The following SGCZ variants were observed in gnomAD, a reference collection of about 807,000 sequenced individuals.
The protein encoded by SGCZ is zeta-sarcoglycan.
SGCZ carries 40 observed loss-of-function variants against 41.3 expected under a neutral mutation model. The observed-to-expected ratio is 0.97, with a 90% CI of 0.75 to 1.26. SGCZ has a LOEUF of 1.26. SGCZ is among the 50% of genes most tolerant of loss of function. The pLI, the probability that SGCZ is intolerant of heterozygous loss-of-function variation, is 0.00. For missense variants in SGCZ, 552 were observed against 369.8 expected (o/e 1.49, Z -4.04); for synonymous variants, 206 against 137.5 (o/e 1.50, Z -3.49).
At chr8:14,942,667 C>T (rs560493284) in intron 1 of SGCZ, among the ~76,000 whole-genome samples, 1 of 152,212 alleles carries the variant, frequency 6.6e-6, no homozygotes, top group African/African-American at 2.4e-5. Flanking sequence ...CCCAAATTTC[C>T]ATCACTGAAA....
intron 1 of SGCZ, among the ~76,000 whole-genome samples, chr8:15,075,490 G>C (rs1213476042): frequency 3.9e-5 from 6 of 152,090 alleles, no homozygotes; most frequent in Non-Finnish European, 8.8e-5. Context: ...AGAGCTAAAA[G>C]AAGCATTGTG....
At chr8:14,395,960 G>A (rs11997200) in intron 2 of SGCZ, among the ~76,000 whole-genome samples, 6,835 of 152,250 alleles carry the variant, frequency 0.045, 493 homozygotes, top group African/African-American at 0.15. Context: ...CAAACTAAGA[G>A]TTAAAGTGAA....
chr8:14,203,248 G>C (rs559055282), intron 4 of SGCZ, among the ~76,000 whole-genome samples: 3 of 152,274 alleles, frequency 2.0e-5, no homozygotes, highest in Admixed American at 2.0e-4. Flanking sequence ...AATCTATAAA[G>C]ACACATTAAA....
chr8:14,386,072 A>AT (rs1804564414), intron 2 of SGCZ, among the ~76,000 whole-genome samples: 2 of 151,990 alleles, frequency 1.3e-5, no homozygotes, highest in African/African-American at 2.4e-5. Flanking sequence ...TTTTCTAAAT[A>AT]TTTTTTCCAA....
chr8:14,435,003 TA>T (rs1262978762), intron 2 of SGCZ, among the ~76,000 whole-genome samples: 1 of 152,156 alleles, frequency 6.6e-6, no homozygotes, highest in Non-Finnish European at 1.5e-5. Context: ...GTTCATTATT[TA>T]AAAAAATAAT....
chr8:14,901,708 A>C (rs1798977951), intron 1 of SGCZ, among the ~76,000 whole-genome samples: 1 of 152,126 alleles, frequency 6.6e-6, no homozygotes, highest in Non-Finnish European at 1.5e-5. Context: ...ATTTTCGGTA[A>C]AAATGCCTAA....
At chr8:14,560,988 C>A (rs1359481000) in intron 1 of SGCZ, among the ~76,000 whole-genome samples, 1 of 152,010 alleles carries the variant, frequency 6.6e-6, no homozygotes, top group Admixed American at 6.6e-5. Flanking sequence ...TCACAAAATA[C>A]TTTAGAGCAT....
intron 1 of SGCZ, among the ~76,000 whole-genome samples, chr8:15,128,546 T>C (rs1469019513): frequency 6.6e-6 from 1 of 152,200 alleles, no homozygotes; most frequent in Non-Finnish European, 1.5e-5. Context: ...TCCTTGGTGC[T>C]CTGACACCAA....
chr8:14,475,949 C>T (rs1801346908), intron 2 of SGCZ, among the ~76,000 whole-genome samples: 1 of 151,748 alleles, frequency 6.6e-6, no homozygotes, highest in African/African-American at 2.4e-5. Flanking sequence ...TATCATCCCA[C>T]TACAGGTTTG....
intron 2 of SGCZ, among the ~76,000 whole-genome samples, chr8:14,486,799 G>C (rs1300965789): frequency 6.6e-6 from 1 of 152,198 alleles, no homozygotes; most frequent in Non-Finnish European, 1.5e-5. Flanking sequence ...GGGATTACAG[G>C]CATGAGCCAC....
intron 3 of SGCZ, among the ~76,000 whole-genome samples, chr8:14,302,506 CCAGAACA>C (rs969170464): frequency 6.6e-6 from 1 of 151,984 alleles, no homozygotes; most frequent in African/African-American, 2.4e-5. Context: ...CTTCCTCCTC[CCAGAACA>C]TCATTTCCAA....
chr8:14,369,503 A>G (rs2117156863), intron 2 of SGCZ, among the ~76,000 whole-genome samples: 1 of 152,090 alleles, frequency 6.6e-6, no homozygotes, highest in Non-Finnish European at 1.5e-5. Context: ...TAATGAGGTT[A>G]ACTTTTTCAT....
At chr8:14,507,455 T>C (rs1033079728) in intron 2 of SGCZ, among the ~76,000 whole-genome samples, 6 of 152,214 alleles carry the variant, frequency 3.9e-5, no homozygotes, top group Non-Finnish European at 7.4e-5. Context: ...ATATGTCACA[T>C]GCCTTCAAAA....
intron 1 of SGCZ, among the ~76,000 whole-genome samples, chr8:14,904,570 G>A (rs1799069443): frequency 6.6e-6 from 1 of 151,882 alleles, no homozygotes; most frequent in Non-Finnish European, 1.5e-5. Context: ...AAATCTCTCT[G>A]TAAAATGGTA....
At chr8:14,446,259 C>T (rs1315241828) in intron 2 of SGCZ, among the ~76,000 whole-genome samples, 3 of 152,202 alleles carry the variant, frequency 2.0e-5, no homozygotes, top group Admixed American at 6.5e-5. Context: ...CCTGCTGTGA[C>T]TCTAACACTG....
intron 6 of SGCZ, among the ~76,000 whole-genome samples, chr8:14,106,785 T>C (rs1484031685): frequency 6.6e-6 from 1 of 152,236 alleles, no homozygotes; most frequent in Non-Finnish European, 1.5e-5. Context: ...AAGTGACTTT[T>C]AGTATGTGAC....
At chr8:15,158,207 G>T (rs76129976) in intron 1 of SGCZ, among the ~76,000 whole-genome samples, 1,522 of 151,054 alleles carry the variant, frequency 0.01, 83 homozygotes, top group East Asian at 0.097. Context: ...CCATTCATCA[G>T]GGAATCCCTT....
chr8:14,549,083 A>G (rs1433023876), intron 2 of SGCZ, among the ~76,000 whole-genome samples: 2 of 152,054 alleles, frequency 1.3e-5, no homozygotes, highest in African/African-American at 4.8e-5. Context: ...GCTGCCTGTT[A>G]ATTACCAGCA....
intron 2 of SGCZ, among the ~76,000 whole-genome samples, chr8:14,380,025 C>G (rs1480575656): frequency 6.6e-6 from 1 of 152,136 alleles, no homozygotes. Context: ...AGCCATGGCA[C>G]CCGGCCAAGA....
Sources: allele counts gnomAD v4.1 joint callset (sites outside exome capture counted in the v4.1 genomes callset), GRCh38; gene constraint gnomAD v4.1.1; transcripts MANE v1.5; gene names NCBI Gene and HGNC (gene_info 2026-07-23, HGNC 2026-07-21).